The following CALCOCO2 variants were observed in gnomAD, a reference collection of about 807,000 sequenced individuals.
CALCOCO2 encodes calcium-binding and coiled-coil domain-containing protein 2.
Under a neutral mutation model 62.5 loss-of-function variants are expected in CALCOCO2, and 42 were observed. The observed-to-expected ratio is 0.67, with a 90% CI of 0.53 to 0.87. CALCOCO2 has a LOEUF of 0.87. Ranked by LOEUF, CALCOCO2 falls within the 40% of genes least tolerant of loss-of-function variation. CALCOCO2 has a pLI of 0.00. For synonymous variants in CALCOCO2, 167 were observed against 173.0 expected (o/e 0.97, Z 0.27); for missense variants, 456 against 515.0 (o/e 0.89, Z 1.11).
chr17:48,856,002 G>C (rs1192790521), intron 9 of CALCOCO2, 90 bp from the exon 10 acceptor site: 1 of 551,292 alleles, frequency 1.8e-6, no homozygotes, highest in Non-Finnish European at 3.2e-6. Context: ...CAGTCTCCCC[G>C]CTTTGCAATG....
chr17:48,862,613 A>G (rs559128835), intron 12 of CALCOCO2, among the ~76,000 whole-genome samples: 2 of 152,330 alleles, frequency 1.3e-5, no homozygotes, highest in East Asian at 3.9e-4. Flanking sequence ...GCTAGAAGCT[A>G]TGTTGGCTAT....
At chr17:48,847,578 AAAAAT>A (rs1257700999) in intron 2 of CALCOCO2, 3 of 152,602 alleles carry the variant, frequency 2.0e-5, no homozygotes, top group East Asian at 1.9e-4. Flanking sequence ...GTCATAAGTG[AAAAAT>A]AAAATAAAAA....
intron 2 of CALCOCO2, 62 bp from the exon 3 acceptor site, chr17:48,848,002 C>T (rs1458402546): frequency 2.3e-6 from 2 of 888,080 alleles, no homozygotes; most frequent in East Asian, 4.8e-5. Flanking sequence ...GAAGATGTAG[C>T]CCAATTAGGA....
intron 4 of CALCOCO2, chr17:48,848,661 A>T (rs1177647697): frequency 1.6e-6 from 1 of 611,256 alleles, no homozygotes; most frequent in African/African-American, 1.9e-5. Context: ...CTTTTCTAAA[A>T]CTTCTTTAAC....
intron 12 of CALCOCO2, 49 bp downstream of exon 12, chr17:48,862,353 C>T (rs761097588): frequency 7.0e-6 from 9 of 1,283,000 alleles, no homozygotes. Flanking sequence ...TTGAAAATTT[C>T]CCTTCCTGCT....
At chr17:48,851,792 G>A in intron 7 of CALCOCO2, 164 bp downstream of exon 7, 3 of 579,788 alleles carry the variant, frequency 5.2e-6, no homozygotes, top group South Asian at 2.2e-5. Flanking sequence ...TCTTGGACCA[G>A]GTAAGCCTCC....
intron 1 of CALCOCO2, among the ~76,000 whole-genome samples, chr17:48,839,696 A>ATTTG (rs1353746616): frequency 3.7e-5 from 4 of 106,802 alleles, no homozygotes; most frequent in African/African-American, 1.1e-4. Flanking sequence ...TTTTTTTTTA[A>ATTTG]ACGGAGTTTC....
chr17:48,841,988 G>A, intron 2 of CALCOCO2, 101 bp downstream of exon 2: 2 of 800,162 alleles, frequency 2.5e-6, no homozygotes, highest in Non-Finnish European at 3.9e-6. Context: ...TGTATAATAT[G>A]TGTTGGCAGT....
At chr17:48,834,908 A>G (rs1485201619) in intron 1 of CALCOCO2, among the ~76,000 whole-genome samples, 1 of 151,804 alleles carries the variant, frequency 6.6e-6, no homozygotes, top group Non-Finnish European at 1.5e-5. Context: ...TTAGGTGGGC[A>G]TGGTGGCGCA....
chr17:48,837,632 C>T (rs191453951), intron 1 of CALCOCO2, among the ~76,000 whole-genome samples: 1,840 of 151,192 alleles, frequency 0.012, 37 homozygotes, highest in South Asian at 0.097. Flanking sequence ...GGGAACAGAG[C>T]GAAACTCTGT....
In CALCOCO2 at chr17:48,862,874, G is replaced by T; in HGVS notation, c.1210G>T (p.Asp404Tyr). ...IKKCPICKAD[D>Y]ICDHTLEQQQ... ...GAAATGCCCTATCTGCAAAGCAGAT[G>T]ATATTTGTGATCACACCTTGGAGCA... Residue 404 changes from aspartate (D) to tyrosine (Y), a missense_variant, in exon 13 of 13, where the codon GAT becomes TAT. By Grantham distance (160) the Asp-to-Tyr change is radical (BLOSUM62 -3). This residue lies in a region of CALCOCO2 where 172 missense variants were observed against 210.3 expected (regional missense o/e 0.82). Coordinates refer to ENST00000258947, the MANE Select transcript of CALCOCO2 (RefSeq NM_005831.5). 1.2e-6 allele frequency: 2 copies of T among 1,614,062 alleles called. No homozygotes were observed. Among genetic ancestry groups the T allele is most frequent in the Non-Finnish European group, 1.7e-6 (2 of 1,179,904 alleles).
At chr17:48,839,066 CT>C (rs1391642899) in intron 1 of CALCOCO2, among the ~76,000 whole-genome samples, 2 of 151,442 alleles carry the variant, frequency 1.3e-5, no homozygotes, top group Admixed American at 6.6e-5. Flanking sequence ...GTGGCGCAAT[CT>C]GGCAATCTTG....
chr17:48,860,389 A>G lies in CALCOCO2; in HGVS notation c.1084A>G (p.Thr362Ala), dbSNP rs1304898801. The stretch of plus-strand genomic sequence containing the variant: ...TAATTCTTTGCCGTATCAAGTACCT[A>G]CTTCAGATGAAGGAGGCGCAAGACA... ...DFNSLPYQVP[T>A]SDEGGARQNP... The change falls in exon 11 of 13, where the codon ACT (threonine) becomes GCT (alanine). Residue 362 changes from threonine (T) to alanine (A), a missense_variant. Physicochemically the swap from Thr to Ala is moderately conservative, Grantham distance 58. Around this residue, in one of 3 missense-constraint regions of CALCOCO2, gnomAD observed 172 missense variants for 210.3 expected, o/e 0.82. Transcript: ENST00000258947. 1.2e-6 allele frequency: 2 copies of G among 1,612,174 alleles called. No homozygotes were observed. Among genetic ancestry groups the G allele is most frequent in the Non-Finnish European group, 8.5e-7 (1 of 1,178,334 alleles).
chr17:48,840,862 T>C (rs1252562381), intron 1 of CALCOCO2, among the ~76,000 whole-genome samples: 1 of 152,208 alleles, frequency 6.6e-6, no homozygotes, highest in Non-Finnish European at 1.5e-5. Context: ...GTAATAACTA[T>C]ATAACTAACT....
At chr17:48,860,095 A>G (rs2040306424) in intron 10 of CALCOCO2, among the ~76,000 whole-genome samples, 1 of 152,194 alleles carries the variant, frequency 6.6e-6, no homozygotes, top group African/African-American at 2.4e-5. Flanking sequence ...CTCTGACTCA[A>G]AATAAATAAA....
At chr17:48,844,748 C>T (rs2040023065) in intron 2 of CALCOCO2, among the ~76,000 whole-genome samples, 2 of 152,134 alleles carry the variant, frequency 1.3e-5, no homozygotes. Flanking sequence ...GAACTTCTGA[C>T]CTCAGATGAT....
chr17:48,858,046 A>ATAGAGAATAGAATAGAATAG, intron 10 of CALCOCO2, among the ~76,000 whole-genome samples: 2 of 40,038 alleles, frequency 5.0e-5, no homozygotes, highest in Non-Finnish European at 9.7e-5. Flanking sequence ...ATAGAATAGA[A>ATAGAGAATAGAATAGAATAG]AATAGAATAG....
chr17:48,853,051 A>G (rs2040157331), intron 9 of CALCOCO2, 39 bp downstream of exon 9: 1 of 1,369,802 alleles, frequency 7.3e-7, no homozygotes, highest in Middle Eastern at 1.8e-4. Context: ...GAGGGAGCCT[A>G]TAGGGATGTA....
chr17:48,852,878 C>T, intron 8 of CALCOCO2, 48 bp from the exon 9 acceptor site: 3 of 1,335,028 alleles, frequency 2.2e-6, no homozygotes, highest in Non-Finnish European at 3.2e-6. Flanking sequence ...TGTGTGTGTG[C>T]ATGTGTGTGT....
Sources: gnomAD v4.1 joint callset for allele counts (sites outside exome capture counted in the v4.1 genomes callset) on GRCh38, gnomAD v4.1.1 for gene constraint, gnomAD v4.1.1 regional missense constraint, MANE v1.5 for transcripts, NCBI Gene and HGNC (gene_info 2026-07-23, HGNC 2026-07-21) for gene names.